The following ROBO1 variants were observed in gnomAD, a reference collection of about 807,000 sequenced individuals.
ROBO1 encodes roundabout homolog 1.
In ROBO1, 149 loss-of-function variants were observed where a neutral mutation model predicts 195.9. The ratio of observed to expected loss-of-function variants is 0.76; its 90% CI spans 0.67 to 0.87. The LOEUF (loss-of-function observed/expected upper bound fraction) is 0.87, where lower values mean the gene tolerates loss of function less well. Ranked by LOEUF, ROBO1 falls within the 40% of genes least tolerant of loss-of-function variation. The probability of loss-of-function intolerance (pLI) is 0.00; values close to 1 mark genes in which losing one functional copy is unlikely to be tolerated. For missense variants in ROBO1, 1,933 were observed against 2,068.3 expected, an observed-to-expected ratio of 0.93 and a Z score of 1.27; for synonymous variants, 816 against 733.2, an observed-to-expected ratio of 1.11 and a Z score of -1.82.
chr3:78,963,155 C>A lies in ROBO1; in HGVS notation c.173-24228G>T, dbSNP rs527857400. Among the ~76,000 whole-genome samples the A allele has an allele frequency of 2.0e-4, 31 of 151,802 alleles. No individual in the cohort carries two copies. The East Asian group carries it at 5.6e-3, about 28-fold the overall frequency. On this transcript the variant is annotated intron_variant, in intron 3 of 30. Transcript: ENST00000464233. ...TAGGAGGGTGGGTATGAAGAACTAA[C>A]CCTATCCTTCAAAACCTGATACAAA...
At chr3:79,663,882 T>C (rs1946400185) in intron 1 of ROBO1, among the ~76,000 whole-genome samples, 1 of 152,052 alleles carries the variant, frequency 6.6e-6, no homozygotes, top group South Asian at 2.1e-4. Context: ...TCTACTCTTC[T>C]CAGTTCATTT....
At chr3:79,353,380 T>A (rs1312426844) in intron 2 of ROBO1, among the ~76,000 whole-genome samples, 1 of 141,492 alleles carries the variant, frequency 7.1e-6, no homozygotes, top group Non-Finnish European at 1.5e-5. Context: ...AAAAAAAGAA[T>A]ATAGAAACAC....
chr3:79,524,476 ATATG>A (rs969580583), intron 2 of ROBO1, among the ~76,000 whole-genome samples: 1 of 152,076 alleles, frequency 6.6e-6, no homozygotes, highest in Non-Finnish European at 1.5e-5. Flanking sequence ...GAATTTTTAT[ATATG>A]TATGTGCATA....
intron 2 of ROBO1, among the ~76,000 whole-genome samples, chr3:79,563,149 T>C (rs537298884): frequency 3.7e-4 from 57 of 152,172 alleles, no homozygotes; most frequent in African/African-American, 1.3e-3. Flanking sequence ...GGACATGTCA[T>C]GTGTTTTCTT....
chr3:79,611,956 A>G (rs1944672042), intron 1 of ROBO1, among the ~76,000 whole-genome samples: 1 of 151,988 alleles, frequency 6.6e-6, no homozygotes, highest in African/African-American at 2.4e-5. Flanking sequence ...AGATGAAGTA[A>G]TGTTTTTCAG....
At chr3:79,018,908 CT>C (rs1360220276) in intron 3 of ROBO1, 1 of 989,132 alleles carries the variant, frequency 1.0e-6, no homozygotes, top group African/African-American at 1.7e-5. Context: ...CCAAAAAGTG[CT>C]TCTCCGTCTC....
chr3:78,889,178 TA>T (rs2036739418), intron 4 of ROBO1, among the ~76,000 whole-genome samples: 1 of 152,216 alleles, frequency 6.6e-6, no homozygotes, highest in Non-Finnish European at 1.5e-5. Flanking sequence ...GATGCTTTGG[TA>T]AAATATTGTT....
intron 4 of ROBO1, among the ~76,000 whole-genome samples, chr3:78,858,072 C>A (rs565604087): frequency 6.6e-6 from 1 of 152,218 alleles, no homozygotes; most frequent in South Asian, 2.1e-4. Flanking sequence ...AGCTAACTCA[C>A]CACCCCACCT....
At chr3:78,802,408 G>A (rs1034886636) in intron 4 of ROBO1, among the ~76,000 whole-genome samples, 2 of 152,014 alleles carry the variant, frequency 1.3e-5, no homozygotes, top group Non-Finnish European at 2.9e-5. Context: ...AAAATCTTTA[G>A]CACATGAAGG....
intron 1 of ROBO1, among the ~76,000 whole-genome samples, chr3:79,599,576 G>A (rs1297688128): frequency 1.3e-5 from 2 of 151,766 alleles, no homozygotes; most frequent in African/African-American, 2.4e-5. Context: ...TTAAAGAATC[G>A]ATGGCAAATC....
intron 1 of ROBO1, among the ~76,000 whole-genome samples, chr3:79,718,716 A>T (rs1702585734): frequency 6.6e-6 from 1 of 152,084 alleles, no homozygotes; most frequent in Admixed American, 6.5e-5. Context: ...TTTGTTAAAA[A>T]AGGTTAGAAG....
intron 1 of ROBO1, among the ~76,000 whole-genome samples, chr3:79,600,649 ATT>A (rs5850440): frequency 6.6e-6 from 1 of 150,596 alleles, no homozygotes; most frequent in Non-Finnish European, 1.5e-5. Context: ...ACGCCTGCTG[ATT>A]TTTTTTTTCA....
At chr3:79,428,438 T>C (rs1327758510) in intron 2 of ROBO1, among the ~76,000 whole-genome samples, 2 of 152,172 alleles carry the variant, frequency 1.3e-5, no homozygotes, top group Non-Finnish European at 2.9e-5. Context: ...GCTGAAAAGA[T>C]TCTCAACAAT....
chr3:78,819,649 G>C (rs886151201), intron 4 of ROBO1, among the ~76,000 whole-genome samples: 4 of 151,996 alleles, frequency 2.6e-5, no homozygotes, highest in African/African-American at 9.7e-5. Context: ...CCCATGATCT[G>C]TTTGTCTATC....
intron 8 of ROBO1, among the ~76,000 whole-genome samples, chr3:78,700,839 C>T (rs1160264139): frequency 6.6e-6 from 1 of 151,580 alleles, no homozygotes; most frequent in Non-Finnish European, 1.5e-5. Flanking sequence ...TCCCAGCTCA[C>T]TGCAACCTCC....
chr3:79,328,683 G>A (rs957059642), intron 2 of ROBO1, among the ~76,000 whole-genome samples: 1 of 151,996 alleles, frequency 6.6e-6, no homozygotes, highest in African/African-American at 2.4e-5. Context: ...ATATGGGTAA[G>A]TTCTTTAGTG....
rs375929382 is a variant in ROBO1 at position 78,627,486 on chromosome 3, C to A, written c.3710G>T (p.Arg1237Leu). 2 of 1,612,970 alleles carry A rather than the reference C, an allele frequency of 1.2e-6. No homozygotes were observed. The highest frequency in any genetic ancestry group is 2.7e-5 in the African/African-American group (2 of 74,882). The part of the protein sequence containing the change: ...QDELEEEEDE[R>L]GPTPPVRGAA... ...TCCCCGAACAGGGGGAGTGGGGCCT[C>A]GTTCATCTTCCTCCTCTTCTAATTC... Residue 1237 changes from arginine (R) to leucine (L), a missense_variant, in exon 26 of 31, where the codon CGA (arginine) becomes CTA (leucine). This residue lies in a region of ROBO1 where 1,737 missense variants were observed against 1,882.5 expected (regional missense o/e 0.92). Transcript: ENST00000464233.
At position 78,600,097 on chromosome 3, in the gene ROBO1, G is replaced by GA; in HGVS notation, c.4941+15dup. 2 of 1,602,824 alleles carry GA rather than the reference G, an allele frequency of 1.2e-6. No homozygotes were observed. The highest frequency in any genetic ancestry group is 1.7e-6 in the Non-Finnish European group (2 of 1,170,618). On this transcript the variant is annotated intron_variant, in intron 30 of 30. Transcript: ENST00000464233. ...ACAGTCTAACATTGGTAAACTTGGGGAAAAATTATAGATACCTCTAATTCT... is the reference window on the plus strand; with the variant it reads ...ACAGTCTAACATTGGTAAACTTGGGGAAAAAATTATAGATACCTCTAATTCT...
intron 1 of ROBO1, among the ~76,000 whole-genome samples, chr3:79,650,166 TA>T (rs1229893568): frequency 6.6e-6 from 1 of 151,730 alleles, no homozygotes; most frequent in Non-Finnish European, 1.5e-5. Context: ...AAAAGTCCAA[TA>T]AAAACTACAA....
Sources: gnomAD v4.1 joint callset for allele counts (sites outside exome capture counted in the v4.1 genomes callset) on GRCh38, gnomAD v4.1.1 for gene constraint, gnomAD v4.1.1 regional missense constraint, MANE v1.5 for transcripts, NCBI Gene and HGNC (gene_info 2026-07-23, HGNC 2026-07-21) for gene names.